The following CASZ1 variants were observed in gnomAD, a reference collection of about 807,000 sequenced individuals.
The protein encoded by CASZ1 is zinc finger protein castor homolog 1.
Under a neutral mutation model 135.2 loss-of-function variants are expected in CASZ1, and 28 were observed. That is an observed-to-expected ratio of 0.21 (90% CI 0.15 to 0.28). The LOEUF (loss-of-function observed/expected upper bound fraction) is 0.28, where lower values mean the gene tolerates loss of function less well. Ranked by LOEUF, CASZ1 falls within the 10% of genes least tolerant of loss-of-function variation. The probability of loss-of-function intolerance (pLI) is 1.00; values close to 1 mark genes in which losing one functional copy is unlikely to be tolerated. For synonymous variants in CASZ1, 1,068 were observed against 1,073.4 expected (o/e 0.99, Z 0.10); for missense variants, 2,161 against 2,453.3 (o/e 0.88, Z 2.52).
At chr1:10,670,778 A>T (rs1345362666) in intron 4 of CASZ1, among the ~76,000 whole-genome samples, 1 of 151,726 alleles carries the variant, frequency 6.6e-6, no homozygotes, top group Non-Finnish European at 1.5e-5. Flanking sequence ...TCCCTCCTCT[A>T]CCTCACAGCC....
In CASZ1 at chr1:10,651,477, C is replaced by G. The variant is rs996105807; in HGVS notation, c.2681-401G>C. 9 of 156,046 alleles carry G rather than the reference C, an allele frequency of 5.8e-5. No homozygotes were observed. In the Admixed American group the frequency reaches 5.9e-4, roughly 10 times the overall value. The allele number at this position is 156,046 out of a possible 1,614,324, so 9.7% of individuals were successfully genotyped here. On this transcript the variant is annotated intron_variant, in intron 11 of 20. Transcript: ENST00000377022. ...TGGACTGGGAGGGCCCCTCTGTGGT[C>G]CCCAGCCCGCGGTTGCTGGGGTGAC... is the stretch of plus-strand genomic sequence containing the variant.
At chr1:10,738,150 T>C (rs1639837021) in intron 2 of CASZ1, among the ~76,000 whole-genome samples, 1 of 151,760 alleles carries the variant, frequency 6.6e-6, no homozygotes, top group Non-Finnish European at 1.5e-5. Flanking sequence ...ATGAAGGCAA[T>C]AAAACAAGGA....
rs1199410060 is a variant in CASZ1 at position 10,639,149 on chromosome 1, G to C, written c.5073C>G (p.Asp1691Glu). ...ELELPEEEAE[D>E]DEDEDDDEDD... ...CCTCGTCGTCGTCCTCGTCCTCGTC[G>C]TCTTCGGCCTCCTCCTCCGGCAGCT... Residue 1691 changes from aspartate (D) to glutamate (E), a missense_variant, in exon 21 of 21, where the codon GAC becomes GAG. Coordinates refer to ENST00000377022, the MANE Select transcript of CASZ1 (RefSeq NM_001079843.3). This position sits in a 1 kb window ranked among gnomAD's most constrained non-coding sequence, Gnocchi z 4.0. 1 of 1,091,462 alleles carries C rather than the reference G, an allele frequency of 9.2e-7. No homozygotes were observed. Among genetic ancestry groups the C allele is most frequent in the South Asian group, 2.8e-5 (1 of 35,270 alleles). The allele number at this position is 1,091,462 out of a possible 1,614,324, so 67.6% of individuals were successfully genotyped here.
rs766226409 is a variant in CASZ1, at chr1:10,775,361, AT to A, written c.-233-14505del. On this transcript the variant is annotated intron_variant, in intron 1 of 20. Transcript: ENST00000377022. Reference sequence around the variant, plus strand: ...AGTTCCCTCAGGTTCAGACGACTTGATTTTTTTTTTTCTTTTAAAAATTCAG... The same window carrying A: ...AGTTCCCTCAGGTTCAGACGACTTGATTTTTTTTTTCTTTTAAAAATTCAG... Among the ~76,000 whole-genome samples the A allele has an allele frequency of 2.4e-3, 348 of 147,986 alleles. 1 individual carries two copies. Among genetic ancestry groups the A allele is most frequent in the African/African-American group, 7.2e-3 (290 of 40,446 alleles).
At chr1:10,722,073 T>G (rs1231411741) in intron 2 of CASZ1, among the ~76,000 whole-genome samples, 1 of 152,250 alleles carries the variant, frequency 6.6e-6, no homozygotes, top group Non-Finnish European at 1.5e-5. Context: ...GCATCCGCTG[T>G]GTCTGGGCAG....
intron 2 of CASZ1, among the ~76,000 whole-genome samples, chr1:10,712,543 G>T (rs879086435): frequency 6.6e-6 from 1 of 152,094 alleles, no homozygotes; most frequent in East Asian, 1.9e-4. Context: ...GCCAAGCCAG[G>T]GGGGTGGGTA....
intron 2 of CASZ1, among the ~76,000 whole-genome samples, chr1:10,712,543 G>C (rs879086435): frequency 3.9e-5 from 6 of 152,094 alleles, no homozygotes; most frequent in Non-Finnish European, 5.9e-5. Flanking sequence ...GCCAAGCCAG[G>C]GGGGTGGGTA....
chr1:10,639,277 GGTCGCCCGC>G lies in CASZ1; in HGVS notation c.4936_4944del (p.Ala1646_Asp1648del). 3 of 1,123,302 alleles carry G rather than the reference GGTCGCCCGC, an allele frequency of 2.7e-6. No individual in the cohort carries two copies. The highest frequency in any genetic ancestry group is 2.2e-6 in the Non-Finnish European group (2 of 914,010). The allele number at this position is 1,123,302 out of a possible 1,614,324, so 69.6% of individuals were successfully genotyped here. A position where few individuals can be genotyped will look rare whatever the true frequency, so the allele number is the denominator to read the frequency against. On this transcript the variant is annotated inframe_deletion, in exon 21 of 21. Transcript: ENST00000377022. This position sits in a 1 kb window ranked among gnomAD's most constrained non-coding sequence, Gnocchi z 4.0. ...GGGGCGGCGGCGTCGGGCGGGCCGGGGTCGCCCGCGTCGCCCAGCGCCAGGCCCAGGCCG... is the reference window on the plus strand; with the variant it reads ...GGGGCGGCGGCGTCGGGCGGGCCGGGGTCGCCCAGCGCCAGGCCCAGGCCG...
intron 3 of CASZ1, among the ~76,000 whole-genome samples, chr1:10,703,930 C>T (rs190956610): frequency 6.6e-6 from 1 of 152,206 alleles, no homozygotes; most frequent in Admixed American, 6.5e-5. Flanking sequence ...CTCTGCCAAG[C>T]CCTGCTCCAG....
intron 4 of CASZ1, among the ~76,000 whole-genome samples, chr1:10,689,321 G>T (rs1020322529): frequency 6.6e-6 from 1 of 152,230 alleles, no homozygotes; most frequent in Non-Finnish European, 1.5e-5. Context: ...ATGCCGCTGC[G>T]TGGCTTAGCC....
At position 10,767,743 on chromosome 1, in the gene CASZ1, C is replaced by T. The variant is rs924405723; in HGVS notation, c.-233-6886G>A. On this transcript the variant is annotated intron_variant, in intron 1 of 20. Transcript: ENST00000377022. This position sits in a 1 kb window ranked among gnomAD's most constrained non-coding sequence, Gnocchi z 4.2. ...GAAAATCTGAGCCATATTTTATGAC[C>T]CACTGCAAGCAGAAAGGGCCACATC... Among the ~76,000 whole-genome samples the T allele has an allele frequency of 6.6e-6, 1 of 152,116 alleles. No individual in the cohort carries two copies. The highest frequency in any genetic ancestry group is 2.4e-5 in the African/African-American group (1 of 41,416).
chr1:10,789,509 G>C (rs1462842549), intron 1 of CASZ1, among the ~76,000 whole-genome samples: 6 of 151,750 alleles, frequency 4.0e-5, no homozygotes, highest in Non-Finnish European at 8.8e-5. Context: ...AGTTCCGAAG[G>C]AGCGACACGT....
rs531342768 is a variant in CASZ1, at chr1:10,767,140, G to T, written c.-233-6283C>A. Among the ~76,000 whole-genome samples, 2 of 151,588 alleles carry T rather than the reference G, an allele frequency of 1.3e-5. No homozygotes were observed. The highest frequency in any genetic ancestry group is 2.9e-5 in the Non-Finnish European group (2 of 67,904). On this transcript the variant is annotated intron_variant, in intron 1 of 20. Coordinates refer to ENST00000377022, the MANE Select transcript of CASZ1 (RefSeq NM_001079843.3). The surrounding 1 kb of genome is among the most constrained non-coding windows in gnomAD (Gnocchi z 4.2). The stretch of plus-strand genomic sequence containing the variant: ...GGGAAAAGATGGGGCCCGGTCGTCC[G>T]CATTCCTCATGAGTTCCTGATGGGA...
rs542181417 is a variant in CASZ1, at chr1:10,676,298, G to A, written c.17-10727C>T. On this transcript the variant is annotated intron_variant, in intron 4 of 20. Coordinates refer to ENST00000377022, the MANE Select transcript of CASZ1 (RefSeq NM_001079843.3). The surrounding 1 kb of genome is among the most constrained non-coding windows in gnomAD (Gnocchi z 4.5). ...CCTCTCCCGGAAGCCCTGGGCTCCCGCTATTGTCGGCCACGTTGAGGGAGG... is the reference window on the plus strand; with the variant it reads ...CCTCTCCCGGAAGCCCTGGGCTCCCACTATTGTCGGCCACGTTGAGGGAGG... 1.6e-4 allele frequency among the ~76,000 whole-genome samples: 24 copies of A among 152,172 alleles called. No homozygotes were observed. Among genetic ancestry groups the A allele is most frequent in the Admixed American group, 1.0e-3 (16 of 15,296 alleles).
chr1:10,747,819 T>G lies in CASZ1; in HGVS notation c.-77+12882A>C, dbSNP rs950243295. 1.5e-5 allele frequency among the ~76,000 whole-genome samples: 1 copy of G among 68,624 alleles called. No individual in the cohort carries two copies. Among genetic ancestry groups the G allele is most frequent in the Non-Finnish European group, 2.9e-5 (1 of 34,998 alleles). 45.0% of individuals were successfully genotyped at this position (68,624 alleles called of 152,430 possible). ...GTACACTGTGCTCACCTGCCTGACT[T>G]TTTTTTTTTTTTTTTGAGATGGAGT... On this transcript the variant is annotated intron_variant, in intron 2 of 20. Coordinates refer to ENST00000377022, the MANE Select transcript of CASZ1 (RefSeq NM_001079843.3). The surrounding 1 kb of genome is among the most constrained non-coding windows in gnomAD (Gnocchi z 4.3).
At chr1:10,704,636 A>G (rs1226160121) in intron 3 of CASZ1, 1 of 152,288 alleles carries the variant, frequency 6.6e-6, no homozygotes, top group African/African-American at 2.4e-5. Flanking sequence ...CGCGAGAGAC[A>G]AAGGGAAAAC....
At chr1:10,653,063 TGAGCAGACAGGGAGGGGG>T (rs1248987402) in intron 11 of CASZ1, 1 of 396,808 alleles carries the variant, frequency 2.5e-6, no homozygotes, top group Non-Finnish European at 4.8e-6. Flanking sequence ...TGTGGGAGGG[TGAGCAGACAGGGAGGGGG>T]GACCTGCAGT....
intron 4 of CASZ1, among the ~76,000 whole-genome samples, chr1:10,671,510 C>A (rs1643397608): frequency 6.6e-6 from 1 of 152,192 alleles, no homozygotes; most frequent in African/African-American, 2.4e-5. Context: ...CAGGGCTGGG[C>A]TGACTCTCAG....
chr1:10,675,277 C>T (rs1643531373), intron 4 of CASZ1, among the ~76,000 whole-genome samples: 4 of 152,176 alleles, frequency 2.6e-5, no homozygotes, highest in African/African-American at 4.8e-5. Context: ...CAGTGCCCTG[C>T]GCTGGCAGCA....
Sources: gnomAD v4.1 joint callset for allele counts (sites outside exome capture counted in the v4.1 genomes callset) on GRCh38, gnomAD v4.1.1 for gene constraint, Gnocchi (gnomAD v3.1) non-coding constraint, MANE v1.5 for transcripts, NCBI Gene and HGNC (gene_info 2026-07-23, HGNC 2026-07-21) for gene names.